SANBR: variants seen among roughly 807,000 people sequenced by gnomAD.
SANBR encodes SANT and BTB domain regulator of class switch recombination.
SANBR carries 77 observed loss-of-function variants against 101.8 expected under a neutral mutation model. The ratio of observed to expected loss-of-function variants is 0.76; its 90% CI spans 0.63 to 0.91. SANBR has a LOEUF of 0.91. Ranked by LOEUF, SANBR falls within the 40% of genes least tolerant of loss-of-function variation. The pLI is 0.00. For missense variants in SANBR, 875 were observed against 853.0 expected (o/e 1.03, Z -0.32); for synonymous variants, 279 against 274.7 (o/e 1.02, Z -0.15).
At chr2:61,109,543 G>A (rs942664280) in intron 16 of SANBR, among the ~76,000 whole-genome samples, 16 of 152,032 alleles carry the variant, frequency 1.1e-4, no homozygotes, top group African/African-American at 3.4e-4. Context: ...GCAACTAAAT[G>A]TGTGACTCAT....
chr2:61,090,829 G>C (rs1233086704), intron 10 of SANBR: 1 of 152,142 alleles, frequency 6.6e-6, no homozygotes, highest in Non-Finnish European at 1.5e-5. Context: ...TCCCACTTCA[G>C]CCTCTCAAAG....
intron 16 of SANBR, 60 bp downstream of exon 16, chr2:61,109,356 C>T: frequency 1.1e-6 from 1 of 933,148 alleles, no homozygotes; most frequent in Admixed American, 2.4e-5. Flanking sequence ...CATTCTGAAG[C>T]CTTTAATGCA....
chr2:61,091,215 A>G (rs1302985582), intron 10 of SANBR, among the ~76,000 whole-genome samples: 2 of 152,144 alleles, frequency 1.3e-5, no homozygotes. Flanking sequence ...AGGCTGAGTC[A>G]GGAGGATTGC....
At chr2:61,127,714 CAG>C (rs1254225525), downstream of SANBR, among the ~76,000 whole-genome samples, 1 of 151,910 alleles carries the variant, frequency 6.6e-6, no homozygotes, top group African/African-American at 2.4e-5. Context: ...GAAAAATGAA[CAG>C]AGCCTCAGAA....
chr2:61,131,397 T>C (rs190694454), intron 20 of SANBR, among the ~76,000 whole-genome samples: 19 of 152,288 alleles, frequency 1.2e-4, no homozygotes, highest in African/African-American at 4.3e-4. Context: ...TTCTATATAG[T>C]AGCAATGAAA....
intron 10 of SANBR, among the ~76,000 whole-genome samples, chr2:61,092,256 C>T (rs1021497583): frequency 6.6e-6 from 1 of 152,178 alleles, no homozygotes; most frequent in Non-Finnish European, 1.5e-5. Context: ...TGGTGGCACA[C>T]GCCTATAATC....
intron 4 of SANBR, among the ~76,000 whole-genome samples, chr2:61,072,218 C>T (rs551042364): frequency 3.9e-5 from 6 of 152,164 alleles, no homozygotes; most frequent in African/African-American, 7.2e-5. Context: ...GGATTACAGA[C>T]GTGAGCTACT....
intron 7 of SANBR, among the ~76,000 whole-genome samples, chr2:61,082,602 C>T (rs1239315138): frequency 6.6e-6 from 1 of 152,118 alleles, no homozygotes; most frequent in Non-Finnish European, 1.5e-5. Flanking sequence ...AGGCGGATCA[C>T]GAGGTCAGGA....
intron 20 of SANBR, among the ~76,000 whole-genome samples, 190 bp downstream of exon 20, chr2:61,118,306 A>G (rs1029338949): frequency 6.6e-6 from 1 of 152,070 alleles, no homozygotes; most frequent in African/African-American, 2.4e-5. Context: ...CAGTGGTGCA[A>G]TCTCGGCTCA....
Position 61,122,822 on chromosome 2 carries a change from G to C in SANBR, c.*660G>C. 1 of 985,298 alleles carries C rather than the reference G, an allele frequency of 1.0e-6. No individual in the cohort carries two copies. Among genetic ancestry groups the C allele is most frequent in the Non-Finnish European group, 1.2e-6 (1 of 829,812 alleles). 61.0% of individuals were successfully genotyped at this position (985,298 alleles called of 1,614,324 possible). Reference sequence around the variant, plus strand: ...TTTAATGCTTATCTATTGATCATCTGAGCTGGAATTACTGATTATTACTCT... The same window carrying C: ...TTTAATGCTTATCTATTGATCATCTCAGCTGGAATTACTGATTATTACTCT... On this transcript the variant is annotated 3_prime_UTR_variant, in exon 22 of 22. Coordinates refer to ENST00000402291, the MANE Select transcript of SANBR (RefSeq NM_001129993.3).
At position 61,082,149 on chromosome 2, in the gene SANBR, G is replaced by T. The variant is rs576593160; in HGVS notation, c.729+639G>T. 7.9e-5 allele frequency among the ~76,000 whole-genome samples: 12 copies of T among 152,180 alleles called. 1 individual carries two copies. In the South Asian group the frequency reaches 2.3e-3, roughly 29 times the overall value. On this transcript the variant is annotated intron_variant, in intron 7 of 21. Transcript: ENST00000402291. ...GGCCACCCAAAGTGCTGGGATTATAGGTGTGAGCCACCTATATTCCTGTAT... is the reference window on the plus strand; with the variant it reads ...GGCCACCCAAAGTGCTGGGATTATATGTGTGAGCCACCTATATTCCTGTAT...
downstream of SANBR, among the ~76,000 whole-genome samples, chr2:61,124,529 G>C (rs1031299816): frequency 6.6e-6 from 1 of 151,730 alleles, no homozygotes; most frequent in African/African-American, 2.4e-5. Context: ...GTGAGACCTC[G>C]TCTCTACAAA....
intron 20 of SANBR, among the ~76,000 whole-genome samples, chr2:61,129,453 AAAC>A (rs1684617670): frequency 6.6e-6 from 1 of 151,964 alleles, no homozygotes; most frequent in African/African-American, 2.4e-5. Context: ...TCAAAAAAAA[AAAC>A]AAGAAAAAAA....
chr2:61,080,092 G>C (rs1682022413), intron 6 of SANBR, among the ~76,000 whole-genome samples: 1 of 151,446 alleles, frequency 6.6e-6, no homozygotes, highest in Non-Finnish European at 1.5e-5. Context: ...AGCTACTCGG[G>C]AGGCTGAGGC....
At chr2:61,092,392 A>G in intron 10 of SANBR, 72 bp from the exon 11 acceptor site, 1 of 1,191,316 alleles carries the variant, frequency 8.4e-7, no homozygotes, top group Non-Finnish European at 1.1e-6. Context: ...CTCAAAGAAG[A>G]TAATAATTAA....
intron 12 of SANBR, among the ~76,000 whole-genome samples, chr2:61,101,293 CTTTCTAACCACATTAA>C (rs1238186071): frequency 7.9e-5 from 12 of 151,944 alleles, no homozygotes; most frequent in Non-Finnish European, 1.8e-4. Flanking sequence ...CTTTACAGTT[CTTTCTAACCACATTAA>C]TTTCTAACCA....
intron 12 of SANBR, among the ~76,000 whole-genome samples, chr2:61,101,727 GA>G (rs1431153439): frequency 7.3e-4 from 101 of 137,740 alleles, no homozygotes; most frequent in East Asian, 2.1e-3. Flanking sequence ...GACTCCGTCT[GA>G]AAAAAAAAAA....
At chr2:61,093,706 T>C (rs1682890050) in intron 11 of SANBR, among the ~76,000 whole-genome samples, 1 of 152,214 alleles carries the variant, frequency 6.6e-6, no homozygotes, top group Non-Finnish European at 1.5e-5. Context: ...CAAACTATTT[T>C]CTCTGTTGTT....
chr2:61,067,987 A>G (rs1177279), intron 1 of SANBR, among the ~76,000 whole-genome samples: 116,594 of 152,158 alleles, frequency 0.77, 46,112 homozygotes, highest in African/African-American at 0.94. Flanking sequence ...TTTGGAGTGA[A>G]TTCCAAAGGA....
Sources: allele counts gnomAD v4.1 joint callset (sites outside exome capture counted in the v4.1 genomes callset), GRCh38; gene constraint gnomAD v4.1.1; transcripts MANE v1.5; gene names NCBI Gene and HGNC (gene_info 2026-07-23, HGNC 2026-07-21).